SUMF1: variants seen among roughly 807,000 people sequenced by gnomAD.
SUMF1 encodes sulfatase modifying factor 1.
Under a neutral mutation model 47.6 loss-of-function variants are expected in SUMF1, and 48 were observed. The ratio of observed to expected loss-of-function variants is 1.01; its 90% confidence interval spans 0.80 to 1.28. SUMF1 has a LOEUF of 1.28. SUMF1 is among the 50% of genes most tolerant of loss of function. The probability of loss-of-function intolerance (pLI) is 0.00; values close to 1 mark genes in which losing one functional copy is unlikely to be tolerated. For missense variants in SUMF1, 571 were observed against 485.4 expected, an observed-to-expected ratio of 1.18 and a Z score of -1.66; for synonymous variants, 230 against 192.1, an observed-to-expected ratio of 1.20 and a Z score of -1.63.
chr3:4,435,207 T>G (rs711647), intron 3 of SUMF1, among the ~76,000 whole-genome samples: 138,302 of 152,264 alleles, frequency 0.91, 64,166 homozygotes, highest in Non-Finnish European at 1. Context: ...GACTACAGGC[T>G]TGAGCCACCG....
intron 8 of SUMF1, among the ~76,000 whole-genome samples, chr3:4,221,648 G>C (rs1696066972): frequency 6.6e-6 from 1 of 152,068 alleles, no homozygotes; most frequent in Non-Finnish European, 1.5e-5. Flanking sequence ...CTAAATGAAT[G>C]CCAATTATGT....
intron 8 of SUMF1, among the ~76,000 whole-genome samples, chr3:4,260,167 T>C (rs752773720): frequency 1.3e-5 from 2 of 152,008 alleles, no homozygotes; most frequent in South Asian, 2.1e-4. Context: ...AGGGCTGAAG[T>C]CATAAAGGGA....
chr3:4,176,632 A>G (rs1559538966), intron 8 of SUMF1, among the ~76,000 whole-genome samples: 1 of 152,238 alleles, frequency 6.6e-6, no homozygotes, highest in African/African-American at 2.4e-5. Context: ...TACATCAATT[A>G]ACAGGCAAAA....
chr3:4,133,809 A>G (rs1013919545), intron 8 of SUMF1, among the ~76,000 whole-genome samples: 1 of 152,046 alleles, frequency 6.6e-6, no homozygotes, highest in African/African-American at 2.4e-5. Context: ...CCCTTTATAT[A>G]TGTATATCTA....
chr3:4,332,822 T>C (rs969572296), intron 8 of SUMF1, among the ~76,000 whole-genome samples: 4 of 152,118 alleles, frequency 2.6e-5, no homozygotes, highest in Non-Finnish European at 5.9e-5. Context: ...GGCATTCCTG[T>C]TTTAGTACTC....
At chr3:4,243,164 T>C (rs1002950697) in intron 8 of SUMF1, among the ~76,000 whole-genome samples, 1 of 152,206 alleles carries the variant, frequency 6.6e-6, no homozygotes, top group Non-Finnish European at 1.5e-5. Flanking sequence ...TTGTTCTTTA[T>C]TAGTCTTGCT....
intron 9 of SUMF1, among the ~76,000 whole-genome samples, chr3:4,065,469 C>T (rs1695354391): frequency 1.3e-5 from 2 of 152,278 alleles, no homozygotes; most frequent in African/African-American, 4.8e-5. Flanking sequence ...TAAGGCAAGA[C>T]AAACAGAACC....
chr3:4,346,755 G>GA lies in SUMF1; in HGVS notation c.1014+29574dup, dbSNP rs528323965. ...CACCAAATCCATGAGCTGGTTTTTT[G>GA]AAAAAATTAATAGAAAGATAGACCG... On this transcript the variant is annotated intron_variant and NMD_transcript_variant, in intron 8 of 12. Transcript: ENST00000448413. 7.0e-4 allele frequency among the ~76,000 whole-genome samples: 107 copies of GA among 151,882 alleles called. 1 individual carries two copies. Among genetic ancestry groups the GA allele is most frequent in the African/African-American group, 2.5e-3 (105 of 41,436 alleles).
chr3:4,112,638 C>G (rs1693333810), intron 8 of SUMF1, among the ~76,000 whole-genome samples: 1 of 152,050 alleles, frequency 6.6e-6, no homozygotes, highest in Admixed American at 6.6e-5. Context: ...TCTGGAGTTA[C>G]TCTGGGTAAG....
chr3:4,048,834 T>C lies in SUMF1; in HGVS notation c.1191+19735A>G, dbSNP rs938464826. ...TAGATTCTAATTTCTCTGAGGCAGG[T>C]TACCAACCTAATTTATTTCTGGATC... On this transcript the variant is annotated intron_variant and NMD_transcript_variant, in intron 9 of 12. Transcript: ENST00000448413. Among the ~76,000 whole-genome samples, 4 of 152,114 alleles carry C rather than the reference T, an allele frequency of 2.6e-5. No homozygotes were observed. The South Asian group carries it at 8.3e-4, about 31-fold the overall frequency.
At chr3:4,205,257 C>A (rs1016556113) in intron 8 of SUMF1, among the ~76,000 whole-genome samples, 2 of 152,106 alleles carry the variant, frequency 1.3e-5, no homozygotes, top group Non-Finnish European at 2.9e-5. Context: ...TGAGATCCAC[C>A]CCCTGCCCGC....
intron 3 of SUMF1, among the ~76,000 whole-genome samples, chr3:4,442,417 G>A (rs1450687887): frequency 3.6e-5 from 1 of 27,842 alleles, no homozygotes; most frequent in Non-Finnish European, 4.2e-4. Flanking sequence ...CACCACGCCC[G>A]GCTAATTTTT....
intron 8 of SUMF1, among the ~76,000 whole-genome samples, chr3:4,257,362 C>A (rs1486140913): frequency 1.3e-4 from 19 of 142,288 alleles, no homozygotes; most frequent in African/African-American, 5.2e-4. Context: ...CTAGAAAACC[C>A]CATTGTCTCA....
chr3:4,357,589 ATTTATTTAT>A (rs961213415), downstream of SUMF1, among the ~76,000 whole-genome samples: 1 of 145,820 alleles, frequency 6.9e-6, no homozygotes, highest in Non-Finnish European at 1.5e-5. Flanking sequence ...TTATTTATTT[ATTTATTTAT>A]TTATTTATTT....
intron 8 of SUMF1, among the ~76,000 whole-genome samples, chr3:4,167,805 T>G (rs1167321473): frequency 6.6e-6 from 1 of 152,142 alleles, no homozygotes; most frequent in Non-Finnish European, 1.5e-5. Context: ...AATGATGAGG[T>G]AATATATCTC....
At chr3:4,120,863 A>T (rs561304418) in intron 8 of SUMF1, among the ~76,000 whole-genome samples, 1 of 152,326 alleles carries the variant, frequency 6.6e-6, no homozygotes, top group African/African-American at 2.4e-5. Flanking sequence ...TAACTGTATG[A>T]CCATGGCAAA....
At chr3:4,354,084 GC>G (rs1160870644) in intron 8 of SUMF1, among the ~76,000 whole-genome samples, 5 of 151,934 alleles carry the variant, frequency 3.3e-5, no homozygotes, top group African/African-American at 1.2e-4. Flanking sequence ...TGAACTCCTG[GC>G]CTCAAGTGAT....
chr3:4,170,890 C>T (rs1293123028), intron 8 of SUMF1, among the ~76,000 whole-genome samples: 1 of 152,074 alleles, frequency 6.6e-6, no homozygotes, highest in African/African-American at 2.4e-5. Flanking sequence ...AACCCAGAAG[C>T]AGATGAAGTC....
intron 8 of SUMF1, among the ~76,000 whole-genome samples, chr3:4,138,733 C>T (rs1456778046): frequency 6.6e-6 from 1 of 151,974 alleles, no homozygotes; most frequent in Non-Finnish European, 1.5e-5. Context: ...TTTTCCTTTG[C>T]CTGGTTCTAA....
Sources: gnomAD v4.1 joint callset for allele counts (sites outside exome capture counted in the v4.1 genomes callset) on GRCh38, gnomAD v4.1.1 for gene constraint, MANE v1.5 for transcripts, NCBI Gene and HGNC (gene_info 2026-07-23, HGNC 2026-07-21) for gene names.